Variants in ADARB1 observed in about 807,000 individuals in gnomAD.
The protein encoded by ADARB1 is adenosine deaminase RNA specific B1, also known as double-stranded RNA-specific editase 1.
ADARB1 carries 10 observed loss-of-function variants against 52.4 expected under a neutral mutation model. The observed-to-expected ratio is 0.19, with a 90% confidence interval of 0.12 to 0.32. The LOEUF (loss-of-function observed/expected upper bound fraction) is 0.32. ADARB1 is among the 10% of genes least tolerant of loss of function. The pLI is 1.00. For synonymous variants in ADARB1, 349 were observed against 371.1 expected (o/e 0.94, Z 0.68); for missense variants, 643 against 922.3 (o/e 0.70, Z 3.92).
intron 8 of ADARB1, among the ~76,000 whole-genome samples, chr21:45,199,134 G>T (rs1234522916): frequency 2.0e-5 from 3 of 152,172 alleles, no homozygotes; most frequent in Non-Finnish European, 4.4e-5. Flanking sequence ...CTCTCTCACA[G>T]AAAATTAAGT....
intron 3 of ADARB1, among the ~76,000 whole-genome samples, chr21:45,174,571 C>G (rs1601769916): frequency 6.6e-6 from 1 of 152,024 alleles, no homozygotes; most frequent in African/African-American, 2.4e-5. Context: ...GGCATGGTAG[C>G]CCACGCCTGT....
intron 8 of ADARB1, among the ~76,000 whole-genome samples, chr21:45,198,670 A>G (rs1365368129): frequency 1.3e-5 from 2 of 152,202 alleles, no homozygotes; most frequent in African/African-American, 4.8e-5. Flanking sequence ...TTTTCCAAGG[A>G]TAGAAAAGTA....
intron 1 of ADARB1, among the ~76,000 whole-genome samples, chr21:45,127,010 C>T (rs1406718899): frequency 2.0e-5 from 3 of 152,160 alleles, no homozygotes; most frequent in African/African-American, 7.2e-5. Flanking sequence ...AGGCGGTGGA[C>T]TTTTTGGTGT....
At position 45,175,895 on chromosome 21, in the gene ADARB1, A is replaced by G. The variant is rs201786934; in HGVS notation, c.194A>G (p.Tyr65Cys). ...LEEGSNGHSK[Y>C]RLKKRRKTPG... The stretch of plus-strand genomic sequence containing the variant: ...GAGGGCAGCAATGGCCACTCCAAGT[A>G]CCGCCTGAAGAAAAGGAGGAAAACA... The change falls in exon 4 of 11, where the codon TAC (tyrosine) becomes TGC (cysteine). Residue 65 changes from tyrosine to cysteine, a missense_variant. Tyr to Cys is a radical substitution (Grantham distance 194). Coordinates refer to ENST00000348831, the MANE Select transcript of ADARB1 (RefSeq NM_001112.4). 1 of 1,611,350 alleles carries G rather than the reference A, an allele frequency of 6.2e-7. No homozygotes were observed. Among genetic ancestry groups the G allele is most frequent in the Non-Finnish European group, 8.5e-7 (1 of 1,178,846 alleles).
At position 45,220,886 on chromosome 21, in the gene ADARB1, G is replaced by C. The variant is rs758216873; in HGVS notation, c.1798G>C (p.Val600Leu). 1 of 1,613,504 alleles carries C rather than the reference G, an allele frequency of 6.2e-7. No homozygotes were observed. Among genetic ancestry groups the C allele is most frequent in the South Asian group, 1.1e-5 (1 of 91,088 alleles). The change falls in exon 10 of 11, where the codon GTC becomes CTC. Residue 600 changes from valine to leucine, a missense_variant. Transcript: ENST00000348831. The surrounding 1 kb of genome is among the most constrained non-coding windows in gnomAD (Gnocchi z 6.3). ...GCCAGGGAAGGCCCCCAACTTCAGT[G>C]TCAACTGGACGGTAGGCGACTCCGC... ...RQPGKAPNFS[V>L]NWTVGDSAIE... is the part of the protein sequence containing the mutation.
chr21:45,160,241 C>T (rs1247431427), intron 2 of ADARB1, among the ~76,000 whole-genome samples: 1 of 152,204 alleles, frequency 6.6e-6, no homozygotes, highest in East Asian at 1.9e-4. Flanking sequence ...AAGGAATTAA[C>T]CTCCATCATT....
chr21:45,206,734 CAGCT>C (rs1279804795), intron 9 of ADARB1, among the ~76,000 whole-genome samples: 3 of 151,934 alleles, frequency 2.0e-5, no homozygotes, highest in Admixed American at 6.6e-5. Context: ...CCACCACAGC[CAGCT>C]AATTTTTGTA....
Position 45,222,219 on chromosome 21 carries a change from G to A in ADARB1, c.*22G>A, listed in dbSNP as rs1320195870. 3 of 1,535,596 alleles carry A rather than the reference G, an allele frequency of 2.0e-6. No individual in the cohort carries two copies. The highest frequency in any genetic ancestry group is 2.6e-5 in the South Asian group (2 of 77,044). On this transcript the variant is annotated 3_prime_UTR_variant, in exon 11 of 11. Coordinates refer to ENST00000348831, the MANE Select transcript of ADARB1 (RefSeq NM_001112.4). ...CTGACCCGGGCAGACATGATGGGGGGTGCAGGGGGCTGTGGGCATCCAGCG... is the reference window on the plus strand; with the variant it reads ...CTGACCCGGGCAGACATGATGGGGGATGCAGGGGGCTGTGGGCATCCAGCG...
At chr21:45,102,193 A>T (rs945887410) in intron 1 of ADARB1, among the ~76,000 whole-genome samples, 12 of 152,292 alleles carry the variant, frequency 7.9e-5, no homozygotes, top group African/African-American at 2.2e-4. Context: ...TGCCTGGCCA[A>T]TGTGCTTATT....
chr21:45,169,953 G>A (rs1164101874), intron 2 of ADARB1, among the ~76,000 whole-genome samples: 6 of 152,202 alleles, frequency 3.9e-5, no homozygotes, highest in Non-Finnish European at 7.3e-5. Context: ...GCCTACTGAG[G>A]GCATCTGCCC....
intron 6 of ADARB1, 146 bp downstream of exon 6, chr21:45,182,899 C>G: frequency 1.3e-6 from 1 of 763,148 alleles, no homozygotes; most frequent in Non-Finnish European, 2.0e-6. Context: ...AAGGCTGCAT[C>G]CCATTCTTCC....
intron 1 of ADARB1, among the ~76,000 whole-genome samples, chr21:45,086,999 C>T (rs1223278257): frequency 2.0e-5 from 3 of 152,164 alleles, no homozygotes; most frequent in South Asian, 2.1e-4. Context: ...GTTATAATGT[C>T]GAGCAGAAGC....
rs2088711473 is a variant in ADARB1, at chr21:45,128,171, C to T, written c.-219-231C>T. 6.6e-6 allele frequency among the ~76,000 whole-genome samples: 1 copy of T among 152,220 alleles called. No individual in the cohort carries two copies. The highest frequency in any genetic ancestry group is 1.5e-5 in the Non-Finnish European group (1 of 68,042). ...TGTTGGGCTGGCAGCGATCTGCCTC[C>T]GTCTGTCACAGGTGCCTCTACCTGC... On this transcript the variant is annotated intron_variant, in intron 1 of 10. Transcript: ENST00000348831. This position sits in a 1 kb window ranked among gnomAD's most constrained non-coding sequence, Gnocchi z 4.6.
At position 45,184,963 on chromosome 21, in the gene ADARB1, G is replaced by A. The variant is rs1956953331; in HGVS notation, c.1437G>A (p.Gln479=). ...DRHPNRKARG[Q]LRTKIESGEG... is the part of the protein sequence containing the mutation. ...ACCCAAATCGTAAAGCAAGAGGACA[G>A]CTACGGACCAAAATAGAGTCTGGTG... The change falls in exon 8 of 11, where the codon CAG becomes CAA. Residue 479 remains glutamine, a synonymous_variant. Transcript: ENST00000348831. The A allele has an allele frequency of 6.2e-7, 1 of 1,614,130 alleles. No individual in the cohort carries two copies. Among genetic ancestry groups the A allele is most frequent in the Non-Finnish European group, 8.5e-7 (1 of 1,179,950 alleles).
At chr21:45,209,733 T>C (rs1053429054) in intron 9 of ADARB1, among the ~76,000 whole-genome samples, 7 of 152,214 alleles carry the variant, frequency 4.6e-5, no homozygotes, top group African/African-American at 9.6e-5. Context: ...AGCCTAGGTG[T>C]GTGGTTAGTT....
chr21:45,101,727 A>G (rs425176), intron 1 of ADARB1, among the ~76,000 whole-genome samples: 144,088 of 152,278 alleles, frequency 0.95, 68,218 homozygotes, highest in East Asian at 0.98. Flanking sequence ...TACTTAATAC[A>G]CAAGCTTTTG....
At chr21:45,163,584 C>T (rs1486254218) in intron 2 of ADARB1, among the ~76,000 whole-genome samples, 1 of 151,662 alleles carries the variant, frequency 6.6e-6, no homozygotes, top group Non-Finnish European at 1.5e-5. Flanking sequence ...CTCAAGGCCC[C>T]CCACTGGGGA....
At chr21:45,159,194 G>GTC (rs2090830828) in intron 2 of ADARB1, among the ~76,000 whole-genome samples, 3 of 151,934 alleles carry the variant, frequency 2.0e-5, no homozygotes, top group Non-Finnish European at 4.4e-5. Flanking sequence ...CAATCATGAC[G>GTC]GAAGATGAAG....
intron 2 of ADARB1, among the ~76,000 whole-genome samples, chr21:45,136,057 G>C (rs2089349585): frequency 6.6e-6 from 1 of 152,168 alleles, no homozygotes; most frequent in South Asian, 2.1e-4. Context: ...GGTGTCCCTG[G>C]GCCCATGGGG....
Sources: gnomAD v4.1 joint callset for allele counts (sites outside exome capture counted in the v4.1 genomes callset) on GRCh38, gnomAD v4.1.1 for gene constraint, Gnocchi (gnomAD v3.1) non-coding constraint, MANE v1.5 for transcripts, NCBI Gene and HGNC (gene_info 2026-07-23, HGNC 2026-07-21) for gene names.